Variants in RAB21 observed in about 807,000 individuals in gnomAD.
RAB21 encodes the protein ras-related protein Rab-21.
In RAB21, 13 loss-of-function variants were observed where a neutral mutation model predicts 33.1. That is an observed-to-expected ratio of 0.39 (90% CI 0.26 to 0.62). The LOEUF (loss-of-function observed/expected upper bound fraction) is 0.62. Ranked by LOEUF, RAB21 falls within the 20% of genes least tolerant of loss-of-function variation. The pLI is 0.48. For synonymous variants in RAB21, 91 were observed against 103.7 expected (o/e 0.88, Z 0.74); for missense variants, 234 against 279.1 (o/e 0.84, Z 1.15).
intron 5 of RAB21, 90 bp from the exon 6 acceptor site, chr12:71,782,480 A>G (rs1387896706): frequency 1.0e-5 from 8 of 786,570 alleles, no homozygotes; most frequent in Middle Eastern, 2.5e-4. Flanking sequence ...GTAAATTAAT[A>G]TGTCACTAAA....
rs1883333631 is a variant in RAB21 at position 71,788,705 on chromosome 12, CTT to C, written c.*3033_*3034del. On this transcript the variant is annotated 3_prime_UTR_variant, in exon 7 of 7. Coordinates refer to ENST00000261263, the MANE Select transcript of RAB21 (RefSeq NM_014999.4). Reference sequence around the variant, plus strand: ...TCAGCCAGTAAGCATATACAGTTAACTTATATAATTAAAAATTGGTTTAAGAT... The same window carrying C: ...TCAGCCAGTAAGCATATACAGTTAACATATAATTAAAAATTGGTTTAAGAT... 1 of 152,074 alleles carries C rather than the reference CTT, an allele frequency of 6.6e-6. No homozygotes were observed. Among genetic ancestry groups the C allele is most frequent in the Non-Finnish European group, 1.5e-5 (1 of 67,994 alleles). The allele number at this position is 152,074 out of a possible 1,614,324, so 9.4% of individuals were successfully genotyped here. A position where few individuals can be genotyped will look rare whatever the true frequency, so the allele number is the denominator to read the frequency against.
In RAB21 at chr12:71,791,663, T is replaced by G. The variant is rs1298919821; in HGVS notation, c.*5990T>G. On this transcript the variant is annotated 3_prime_UTR_variant, in exon 7 of 7. Transcript: ENST00000261263. ...ATAGAGTAAAAACAAAAGTTCCTTTTTAGATCTCCCTTCCCTCATCATCCC... is the reference window on the plus strand; with the variant it reads ...ATAGAGTAAAAACAAAAGTTCCTTTGTAGATCTCCCTTCCCTCATCATCCC... 2 of 152,228 alleles carry G rather than the reference T, an allele frequency of 1.3e-5. No individual in the cohort carries two copies. Among genetic ancestry groups the G allele is most frequent in the African/African-American group, 4.8e-5 (2 of 41,464 alleles). 9.4% of individuals were successfully genotyped at this position (152,228 alleles called of 1,614,324 possible). A position where few individuals can be genotyped will look rare whatever the true frequency, so the allele number is the denominator to read the frequency against.
chr12:71,754,941 G>A lies in RAB21; in HGVS notation c.-189G>A. On this transcript the variant is annotated 5_prime_UTR_variant, in exon 1 of 7. Transcript: ENST00000261263. ...TTTCCTCCGGTGCCTGACGTGGTGG[G>A]CTGGGGCCCTTCATTCTCGGACTTT... is the stretch of plus-strand genomic sequence containing the variant. 1 of 348,708 alleles carries A rather than the reference G, an allele frequency of 2.9e-6. No homozygotes were observed. Among genetic ancestry groups the A allele is most frequent in the Non-Finnish European group, 4.1e-6 (1 of 245,300 alleles). The allele number at this position is 348,708 out of a possible 1,614,324, so 21.6% of individuals were successfully genotyped here.
intron 1 of RAB21, among the ~76,000 whole-genome samples, chr12:71,758,703 C>T (rs1443106501): frequency 6.6e-6 from 1 of 151,738 alleles, no homozygotes; most frequent in African/African-American, 2.4e-5. Context: ...TGTTGTAGAA[C>T]TCTGAGCTCA....
intron 4 of RAB21, among the ~76,000 whole-genome samples, chr12:71,779,583 T>C (rs1259934665): frequency 6.6e-6 from 1 of 152,240 alleles, no homozygotes; most frequent in Non-Finnish European, 1.5e-5. Flanking sequence ...AGTCTAAGCA[T>C]AATATGATTC....
chr12:71,755,494 A>G (rs1882771670), intron 1 of RAB21, among the ~76,000 whole-genome samples: 1 of 152,104 alleles, frequency 6.6e-6, no homozygotes, highest in African/African-American at 2.4e-5. Context: ...TTGGGAGGGA[A>G]GTGGAAGGGC....
At chr12:71,756,967 G>A (rs748930835) in intron 1 of RAB21, among the ~76,000 whole-genome samples, 3 of 152,122 alleles carry the variant, frequency 2.0e-5, no homozygotes, top group Admixed American at 6.5e-5. Context: ...GGGCAGGAGT[G>A]TCCAAGCTCA....
chr12:71,784,264 TC>T (rs760823449), intron 6 of RAB21, among the ~76,000 whole-genome samples: 11 of 152,188 alleles, frequency 7.2e-5, no homozygotes, highest in Non-Finnish European at 1.5e-4. Flanking sequence ...TTCCCATTTT[TC>T]TTACCTGTGT....
rs755706517 is a variant in RAB21 at position 71,769,802 on chromosome 12, A to T, written c.162A>T (p.Ala54=). Residue 54 remains alanine (A), a splice_region_variant and synonymous_variant, in exon 2 of 7, where the codon GCA becomes GCT. Transcript: ENST00000261263. ...FNDKHITTLQ[A]SFLTKKLNIG... is the part of the protein sequence containing the mutation. Reference sequence around the variant, plus strand: ...TTAATGTTTATTTCTCTTTTTAGGCATCATTCTTAACAAAGAAGTTAAATA... The same window carrying T: ...TTAATGTTTATTTCTCTTTTTAGGCTTCATTCTTAACAAAGAAGTTAAATA... The T allele has an allele frequency of 7.3e-7, 1 of 1,370,408 alleles. No homozygotes were observed. Among genetic ancestry groups the T allele is most frequent in the South Asian group, 1.7e-5 (1 of 58,426 alleles). 84.9% of individuals were successfully genotyped at this position (1,370,408 alleles called of 1,614,324 possible). A position where few individuals can be genotyped will look rare whatever the true frequency, so the allele number is the denominator to read the frequency against.
rs1883362121 is a variant in RAB21, at chr12:71,790,351, A to G, written c.*4678A>G. On this transcript the variant is annotated 3_prime_UTR_variant, in exon 7 of 7. Transcript: ENST00000261263. ...TCTCTTCACTATCACGTATTTTAAG[A>G]AAAAGCTAAGGTGATTTCTTTACAT... 1 of 152,176 alleles carries G rather than the reference A, an allele frequency of 6.6e-6. No individual in the cohort carries two copies. Among genetic ancestry groups the G allele is most frequent in the African/African-American group, 2.4e-5 (1 of 41,456 alleles). The allele number at this position is 152,176 out of a possible 1,614,324, so 9.4% of individuals were successfully genotyped here.
intron 6 of RAB21, among the ~76,000 whole-genome samples, chr12:71,785,241 A>G (rs1883266157): frequency 6.6e-6 from 1 of 152,248 alleles, no homozygotes; most frequent in African/African-American, 2.4e-5. Context: ...TAAGGATTAT[A>G]CTTGTACGCA....
At position 71,787,026 on chromosome 12, in the gene RAB21, A is replaced by G. The variant is rs907700731; in HGVS notation, c.*1353A>G. On this transcript the variant is annotated 3_prime_UTR_variant, in exon 7 of 7. Coordinates refer to ENST00000261263, the MANE Select transcript of RAB21 (RefSeq NM_014999.4). ...AGCCAGTTAACCAAGACTCATTCAT[A>G]TAGCACGTAGTTTATGTTCCTGAGG... 6.6e-6 allele frequency: 1 copy of G among 152,230 alleles called. No individual in the cohort carries two copies. The highest frequency in any genetic ancestry group is 2.4e-5 in the African/African-American group (1 of 41,468). 9.4% of individuals were successfully genotyped at this position (152,230 alleles called of 1,614,324 possible). A position where few individuals can be genotyped will look rare whatever the true frequency, so the allele number is the denominator to read the frequency against.
chr12:71,759,171 T>G (rs1341204629), intron 1 of RAB21, among the ~76,000 whole-genome samples: 1 of 152,252 alleles, frequency 6.6e-6, no homozygotes, highest in African/African-American at 2.4e-5. Flanking sequence ...TAGTTAAGCC[T>G]GTTAATGTCC....
At chr12:71,758,373 C>A (rs200587560) in intron 1 of RAB21, among the ~76,000 whole-genome samples, 2 of 152,308 alleles carry the variant, frequency 1.3e-5, no homozygotes, top group East Asian at 3.9e-4. Flanking sequence ...ATTCTCCCCA[C>A]TGAGTCTTGG....
At chr12:71,773,554 G>A (rs1459748935) in intron 3 of RAB21, among the ~76,000 whole-genome samples, 1 of 151,734 alleles carries the variant, frequency 6.6e-6, no homozygotes, top group Admixed American at 6.6e-5. Flanking sequence ...AAGCTCCTTT[G>A]CCCTCTATTT....
intron 4 of RAB21, among the ~76,000 whole-genome samples, chr12:71,775,698 A>G (rs1027148145): frequency 4.6e-5 from 7 of 151,942 alleles, no homozygotes; most frequent in African/African-American, 1.7e-4. Context: ...CACCACGCCC[A>G]GCTAATTTTT....
rs906480008 is a variant in RAB21, at chr12:71,799,090, G to A, written c.*13417G>A. ...TTCCTGAATATGGATAGGCTGTGGT[G>A]GTGGCAGCAGCTTCTTAATCTGACA... On this transcript the variant is annotated 3_prime_UTR_variant, in exon 7 of 7. Transcript: ENST00000261263. 5 of 152,302 alleles carry A rather than the reference G, an allele frequency of 3.3e-5. No homozygotes were observed. The highest frequency in any genetic ancestry group is 4.4e-5 in the Non-Finnish European group (3 of 68,082). The allele number at this position is 152,302 out of a possible 1,614,324, so 9.4% of individuals were successfully genotyped here.
At position 71,799,458 on chromosome 12, in the gene RAB21, T is replaced by C. The variant is rs1883509577; in HGVS notation, c.*13785T>C. The C allele has an allele frequency of 6.6e-6, 1 of 152,244 alleles. No homozygotes were observed. Among genetic ancestry groups the C allele is most frequent in the Non-Finnish European group, 1.5e-5 (1 of 68,044 alleles). 9.4% of individuals were successfully genotyped at this position (152,244 alleles called of 1,614,324 possible). ...ACAGCAATCAAAATTGTCTTTTCTT[T>C]TGACCTAGCAGTTTCACTTCTTGGA... On this transcript the variant is annotated 3_prime_UTR_variant, in exon 7 of 7. Coordinates refer to ENST00000261263, the MANE Select transcript of RAB21 (RefSeq NM_014999.4).
intron 1 of RAB21, among the ~76,000 whole-genome samples, chr12:71,759,704 G>A (rs1016561545): frequency 1.3e-5 from 2 of 152,206 alleles, no homozygotes; most frequent in Non-Finnish European, 2.9e-5. Context: ...TGCCCACAAG[G>A]TTATCATGAG....
Sources: allele counts gnomAD v4.1 joint callset (sites outside exome capture counted in the v4.1 genomes callset), GRCh38; gene constraint gnomAD v4.1.1; transcripts MANE v1.5; gene names NCBI Gene and HGNC (gene_info 2026-07-23, HGNC 2026-07-21).